Variants in HMGN5 observed in about 807,000 individuals in gnomAD.
The protein encoded by HMGN5 is high mobility group nucleosome binding domain 5.
A neutral mutation model predicts 9.5 loss-of-function variants in HMGN5; 4 were observed. The observed-to-expected ratio is 0.42, with a 90% CI of 0.21 to 0.96. HMGN5 has a LOEUF of 0.96. Among genes scored for constraint, HMGN5 ranks in the 40% least tolerant of loss-of-function variants. The pLI, the probability that HMGN5 is intolerant of heterozygous loss-of-function variation, is 0.30. For missense variants in HMGN5, 192 were observed against 187.5 expected (o/e 1.02, Z -0.14); for synonymous variants, 55 against 57.1 (o/e 0.96, Z 0.16).
chrX:81,162,764 A>C (rs1279600929), intron 1 of HMGN5, among the ~76,000 whole-genome samples: 1 of 111,530 alleles, frequency 9.0e-6, no homozygotes, highest in African/African-American at 3.3e-5. Flanking sequence ...CCTAATATAG[A>C]AAATGAGACC....
intron 1 of HMGN5, among the ~76,000 whole-genome samples, chrX:81,155,029 C>A (rs2075378778): frequency 1.0e-5 from 1 of 99,463 alleles, no homozygotes; most frequent in Non-Finnish European, 2.0e-5. Context: ...TCCAGCAATC[C>A]CACTGCCGGG....
At chrX:81,125,836 G>A (rs920464219) in intron 1 of HMGN5, among the ~76,000 whole-genome samples, 7 of 111,261 alleles carry the variant, frequency 6.3e-5, no homozygotes, top group Non-Finnish European at 1.1e-4. Flanking sequence ...AATGACTTGC[G>A]AAAGATCATC....
chrX:81,192,872 A>AT (rs140567866), intron 1 of HMGN5, among the ~76,000 whole-genome samples: 3,049 of 105,853 alleles, frequency 0.029, 109 homozygotes, highest in African/African-American at 0.095. Flanking sequence ...GTCAGCAATA[A>AT]TTTTTTTTTT....
chrX:81,154,226 C>G (rs1361310330), intron 1 of HMGN5, among the ~76,000 whole-genome samples: 1 of 111,243 alleles, frequency 9.0e-6, no homozygotes, highest in East Asian at 2.8e-4. Context: ...ACAGTGAACT[C>G]ATTTTTAAGG....
intron 1 of HMGN5, among the ~76,000 whole-genome samples, chrX:81,191,876 G>C (rs751989842): frequency 6.3e-5 from 7 of 111,919 alleles, no homozygotes; most frequent in African/African-American, 2.3e-4. Context: ...TAAGGCACAA[G>C]AAGGGTGTGC....
chrX:81,121,065 GA>G (rs774488686), intron 2 of HMGN5, among the ~76,000 whole-genome samples: 164 of 97,094 alleles, frequency 1.7e-3, no homozygotes, highest in South Asian at 2.8e-3. Flanking sequence ...AGGAGGGAAG[GA>G]AAAAAAAAAA....
At chrX:81,116,058 T>C (rs2147533303) in intron 6 of HMGN5, 146 bp downstream of exon 6, 1 of 400,515 alleles carries the variant, frequency 2.5e-6, no homozygotes, top group Non-Finnish European at 4.2e-6. Context: ...GTTAATTTTA[T>C]TTTCCTCTTA....
chrX:81,138,414 T>C (rs1315745450), intron 1 of HMGN5, among the ~76,000 whole-genome samples: 1 of 111,627 alleles, frequency 9.0e-6, no homozygotes, highest in Admixed American at 9.6e-5. Context: ...TATTAACATA[T>C]ATGGAAGGCA....
chrX:81,135,322 A>T (rs1350075455), intron 1 of HMGN5, among the ~76,000 whole-genome samples: 1 of 111,628 alleles, frequency 9.0e-6, no homozygotes, highest in Non-Finnish European at 1.9e-5. Context: ...ATTTGATATG[A>T]CTCAGTAATT....
At chrX:81,178,297 C>T (rs1223859227) in intron 1 of HMGN5, among the ~76,000 whole-genome samples, 4 of 110,653 alleles carry the variant, frequency 3.6e-5, no homozygotes, top group African/African-American at 1.3e-4. Context: ...AAAAGATCAA[C>T]AAAATTGATA....
At chrX:81,142,633 C>A (rs752394682) in intron 1 of HMGN5, among the ~76,000 whole-genome samples, 1 of 111,454 alleles carries the variant, frequency 9.0e-6, no homozygotes, top group Non-Finnish European at 1.9e-5. Context: ...GTAAAAATAT[C>A]CTTTAAGTAT....
chrX:81,114,899 T>C lies in HMGN5; in HGVS notation c.599A>G (p.Glu200Gly). The change falls in exon 7 of 7, where the codon GAA (glutamate) becomes GGA (glycine). Residue 200 changes from glutamate to glycine, a missense_variant. Glu to Gly is a moderately conservative substitution (Grantham distance 98). Transcript: ENST00000358130. ...TCCATCTCCTGTTTCTTTTCTGTCTTCTTCCTCTTTTTCATCTTCTCCTTT... is the reference window on the plus strand; with the variant it reads ...TCCATCTCCTGTTTCTTTTCTGTCTCCTTCCTCTTTTTCATCTTCTCCTTT... Reference protein sequence around the residue: ...KEKGEDEKEEEDRKETGDGKE... With the variant: ...KEKGEDEKEEGDRKETGDGKE... The C allele has an allele frequency of 8.6e-7, 1 of 1,164,060 alleles. No individual in the cohort carries two copies. The highest frequency in any genetic ancestry group is 1.1e-6 in the Non-Finnish European group (1 of 872,265).
chrX:81,160,318 A>G (rs761854290), intron 1 of HMGN5, among the ~76,000 whole-genome samples: 1 of 111,821 alleles, frequency 8.9e-6, no homozygotes, highest in South Asian at 3.7e-4. Flanking sequence ...GAGGCAAATA[A>G]CTTGTGTGCA....
intron 1 of HMGN5, among the ~76,000 whole-genome samples, chrX:81,167,656 T>C (rs1001505562): frequency 2.7e-5 from 3 of 112,458 alleles, no homozygotes; most frequent in Non-Finnish European, 5.6e-5. Flanking sequence ...AATATTCTTC[T>C]AGTGTGACTA....
Position 81,201,901 on chromosome X carries a change from A to C in HMGN5, c.-288T>G. On this transcript the variant is annotated 5_prime_UTR_variant, in exon 1 of 7. Transcript: ENST00000358130. Reference sequence around the variant, plus strand: ...TCCTCGCCCTCTTCTCAGGGAAGGAATCGTCAAAAATCAATGTTTCAACAG... The same window carrying C: ...TCCTCGCCCTCTTCTCAGGGAAGGACTCGTCAAAAATCAATGTTTCAACAG... 1 of 308,981 alleles carries C rather than the reference A, an allele frequency of 3.2e-6. No homozygotes were observed. Among genetic ancestry groups the C allele is most frequent in the Non-Finnish European group, 5.6e-6 (1 of 178,858 alleles). 25.5% of individuals were successfully genotyped at this position (308,981 alleles called of 1,213,427 possible). A position where few individuals can be genotyped will look rare whatever the true frequency, so the allele number is the denominator to read the frequency against.
At chrX:81,170,008 C>G (rs1010422232) in intron 1 of HMGN5, among the ~76,000 whole-genome samples, 1 of 102,130 alleles carries the variant, frequency 9.8e-6, no homozygotes, top group Non-Finnish European at 2.0e-5. Context: ...GAACTGACAA[C>G]GCCCCACTGC....
chrX:81,156,354 T>C (rs1180345488), intron 1 of HMGN5, among the ~76,000 whole-genome samples: 1 of 111,812 alleles, frequency 8.9e-6, no homozygotes, highest in African/African-American at 3.3e-5. Context: ...ACCATCATGC[T>C]GATTCACTTT....
At chrX:81,193,814 C>T (rs951337781) in intron 1 of HMGN5, among the ~76,000 whole-genome samples, 16 of 111,257 alleles carry the variant, frequency 1.4e-4, no homozygotes, top group Admixed American at 1.3e-3. Flanking sequence ...TTGTATATTG[C>T]GGTTATAAAC....
chrX:81,190,909 G>A (rs1160575190), intron 1 of HMGN5, among the ~76,000 whole-genome samples: 1 of 111,334 alleles, frequency 9.0e-6, no homozygotes, highest in Non-Finnish European at 1.9e-5. Flanking sequence ...AGGCTCTCTA[G>A]TCTATTCCCT....
Sources: gnomAD v4.1 joint callset for allele counts (sites outside exome capture counted in the v4.1 genomes callset) on GRCh38, gnomAD v4.1.1 for gene constraint, MANE v1.5 for transcripts, NCBI Gene and HGNC (gene_info 2026-07-23, HGNC 2026-07-21) for gene names.